The following RASEF variants were observed in gnomAD, a reference collection of about 807,000 sequenced individuals.
RASEF encodes RAS and EF-hand domain containing.
In RASEF, 68 loss-of-function variants were observed where a neutral mutation model predicts 90.1. The ratio of observed to expected loss-of-function variants is 0.75; its 90% CI spans 0.62 to 0.92. The LOEUF is 0.92. RASEF is among the 40% of genes least tolerant of loss of function. The probability of loss-of-function intolerance (pLI) is 0.00; values close to 1 mark genes in which losing one functional copy is unlikely to be tolerated. For missense variants in RASEF, 949 were observed against 937.2 expected (o/e 1.01, Z -0.16); for synonymous variants, 331 against 345.2 (o/e 0.96, Z 0.46).
intron 1 of RASEF, among the ~76,000 whole-genome samples, chr9:83,035,479 C>T (rs1277529085): frequency 1.3e-5 from 2 of 152,172 alleles, no homozygotes; most frequent in African/African-American, 4.8e-5. Flanking sequence ...CATCGTGCCC[C>T]AGGTCCAGAT....
At chr9:83,189,336 C>T in the RASEF span, among the ~76,000 whole-genome samples, 9 of 152,218 alleles carry the variant, frequency 5.9e-5, no homozygotes, top group Non-Finnish European at 1.3e-4. Flanking sequence ...GAGGTCTCCC[C>T]AGCCATGCTG....
chr9:82,994,680 G>C (rs1419137255), intron 14 of RASEF, among the ~76,000 whole-genome samples: 1 of 152,222 alleles, frequency 6.6e-6, no homozygotes, highest in Non-Finnish European at 1.5e-5. Flanking sequence ...GTTAAAACTG[G>C]GAAGAGATAT....
chr9:83,176,962 T>C, the RASEF span, among the ~76,000 whole-genome samples: 1 of 152,096 alleles, frequency 6.6e-6, no homozygotes, highest in Non-Finnish European at 1.5e-5. Flanking sequence ...TTTCTGGTTC[T>C]CTTCATTTAT....
the RASEF span, among the ~76,000 whole-genome samples, chr9:83,156,173 C>T: frequency 1.3e-5 from 2 of 152,206 alleles, no homozygotes; most frequent in Admixed American, 1.3e-4. Flanking sequence ...CTTCTTCCAT[C>T]TGGCACACAC....
chr9:83,119,621 A>G, the RASEF span, among the ~76,000 whole-genome samples: 1 of 152,056 alleles, frequency 6.6e-6, no homozygotes, highest in Non-Finnish European at 1.5e-5. Flanking sequence ...TACACAGACA[A>G]CAGGACAAAA....
chr9:83,002,332 A>C (rs970907332), intron 9 of RASEF, among the ~76,000 whole-genome samples: 1 of 152,188 alleles, frequency 6.6e-6, no homozygotes, highest in Non-Finnish European at 1.5e-5. Flanking sequence ...TTAATTAAAA[A>C]GATGATGTAA....
the RASEF span, among the ~76,000 whole-genome samples, chr9:83,151,059 A>G: frequency 1.3e-5 from 2 of 152,194 alleles, no homozygotes; most frequent in Non-Finnish European, 2.9e-5. Flanking sequence ...TTAATACTCA[A>G]TAGCAACTGC....
intron 4 of RASEF, among the ~76,000 whole-genome samples, chr9:83,014,785 G>A (rs1265842637): frequency 1.3e-5 from 2 of 152,114 alleles, no homozygotes; most frequent in Non-Finnish European, 2.9e-5. Flanking sequence ...CTTAAATTCA[G>A]TAACATCAAC....
the RASEF span, among the ~76,000 whole-genome samples, chr9:83,131,407 C>A: frequency 0.041 from 6,199 of 152,148 alleles, 420 homozygotes; most frequent in African/African-American, 0.14. Flanking sequence ...ACAGTGTCAC[C>A]CAGCAGGAGG....
At chr9:83,184,392 G>A in the RASEF span, among the ~76,000 whole-genome samples, 2 of 152,152 alleles carry the variant, frequency 1.3e-5, no homozygotes, top group Non-Finnish European at 2.9e-5. Context: ...GAGATGGGAG[G>A]GCGGTGTTAG....
At chr9:83,215,360 G>C in the RASEF span, among the ~76,000 whole-genome samples, 1 of 152,136 alleles carries the variant, frequency 6.6e-6, no homozygotes, top group Non-Finnish European at 1.5e-5. Flanking sequence ...CATTGAGCTG[G>C]TTAACACTCA....
In RASEF at chr9:83,022,542, C is replaced by T. The variant is rs1043363124; in HGVS notation, c.579-116G>A. The stretch of plus-strand genomic sequence containing the variant: ...ATATTACAGATGAAGAGAAACACCC[C>T]ATTCAAAATGATTTCCCATTCCTTC... On this transcript the variant is annotated intron_variant, in intron 2 of 16. Coordinates refer to ENST00000376447, the MANE Select transcript of RASEF (RefSeq NM_152573.4). The T allele has an allele frequency of 4.1e-5, 29 of 705,120 alleles. No homozygotes were observed. The East Asian group carries it at 7.5e-4, about 18-fold the overall frequency. 43.7% of individuals were successfully genotyped at this position (705,120 alleles called of 1,614,324 possible). A position where few individuals can be genotyped will look rare whatever the true frequency, so the allele number is the denominator to read the frequency against.
intron 1 of RASEF, among the ~76,000 whole-genome samples, chr9:83,056,522 G>A (rs1775312344): frequency 6.6e-6 from 1 of 152,246 alleles, no homozygotes; most frequent in Admixed American, 6.5e-5. Context: ...AAACACACTT[G>A]GAATCACCAT....
intron 9 of RASEF, 100 bp downstream of exon 9, chr9:83,004,398 C>T: frequency 2.6e-6 from 1 of 379,456 alleles, no homozygotes; most frequent in South Asian, 4.7e-5. Context: ...AATTAGTGAC[C>T]AAAGTATATT....
At chr9:83,203,303 T>A in the RASEF span, among the ~76,000 whole-genome samples, 1 of 151,844 alleles carries the variant, frequency 6.6e-6, no homozygotes, top group African/African-American at 2.4e-5. Context: ...TGAGATGGAC[T>A]CTCATTCTGT....
the RASEF span, among the ~76,000 whole-genome samples, chr9:83,171,680 T>C: frequency 2.0e-5 from 3 of 151,852 alleles, no homozygotes; most frequent in South Asian, 2.1e-4. Context: ...TAGGAACATA[T>C]CCATGTCTTT....
At chr9:83,082,483 C>T in the RASEF span, among the ~76,000 whole-genome samples, 1 of 152,178 alleles carries the variant, frequency 6.6e-6, no homozygotes, top group African/African-American at 2.4e-5. Flanking sequence ...CCCTATACCA[C>T]TTTTTTCTTC....
chr9:83,159,986 C>T, the RASEF span, among the ~76,000 whole-genome samples: 3 of 152,294 alleles, frequency 2.0e-5, no homozygotes, highest in Admixed American at 6.5e-5. Context: ...GTGAGATGTG[C>T]CTTTCACCTT....
the RASEF span, among the ~76,000 whole-genome samples, chr9:83,196,613 C>T: frequency 6.6e-6 from 1 of 152,150 alleles, no homozygotes; most frequent in African/African-American, 2.4e-5. Context: ...ATATTAAAAC[C>T]TATTTGTGTC....
Sources: gnomAD v4.1 joint callset for allele counts (sites outside exome capture counted in the v4.1 genomes callset) on GRCh38, gnomAD v4.1.1 for gene constraint, MANE v1.5 for transcripts, NCBI Gene and HGNC (gene_info 2026-07-23, HGNC 2026-07-21) for gene names.